Variants in MFSD6 observed in about 807,000 individuals in gnomAD.
MFSD6 encodes major facilitator superfamily domain-containing protein 6.
A neutral mutation model predicts 56.3 loss-of-function variants in MFSD6; 26 were observed. The ratio of observed to expected loss-of-function variants is 0.46; its 90% confidence interval spans 0.34 to 0.64. The LOEUF is 0.64. MFSD6 is among the 30% of genes least tolerant of loss of function. The pLI is 0.01. For synonymous variants in MFSD6, 331 were observed against 366.9 expected (o/e 0.90, Z 1.12); for missense variants, 750 against 986.2 (o/e 0.76, Z 3.21).
rs10193212 is a variant in MFSD6, at chr2:190,469,698, G to A, written c.1533-60G>A. 0.45 allele frequency: 432,143 copies of A among 970,232 alleles called. 99,246 individuals carry two copies. Among genetic ancestry groups the A allele is most frequent in the Admixed American group, 0.62 (17,548 of 28,478 alleles). 60.1% of individuals were successfully genotyped at this position (970,232 alleles called of 1,614,324 possible). A position where few individuals can be genotyped will look rare whatever the true frequency, so the allele number is the denominator to read the frequency against. ...TACACATATTAGATTGTATATTAGGGACTCAGTTTATTTTCCTTTGCTTTT... is the reference window on the plus strand; with the variant it reads ...TACACATATTAGATTGTATATTAGGAACTCAGTTTATTTTCCTTTGCTTTT... On this transcript the variant is annotated intron_variant, in intron 3 of 7. Transcript: ENST00000392328. This position sits in a 1 kb window ranked among gnomAD's most constrained non-coding sequence, Gnocchi z 5.3.
chr2:190,409,594 A>G (rs927589000), intron 1 of MFSD6, among the ~76,000 whole-genome samples: 1 of 152,096 alleles, frequency 6.6e-6, no homozygotes, highest in Non-Finnish European at 1.5e-5. Context: ...GAAGTCCATG[A>G]TTTTCTAGAA....
At chr2:190,429,429 G>A (rs1046002718) in intron 2 of MFSD6, among the ~76,000 whole-genome samples, 1 of 151,648 alleles carries the variant, frequency 6.6e-6, no homozygotes, top group Non-Finnish European at 1.5e-5. Context: ...GGGTTCAAGC[G>A]ATTCTCCTGC....
Position 190,437,083 on chromosome 2 carries a change from G to A in MFSD6, c.1054G>A (p.Glu352Lys), listed in dbSNP as rs202101969. 2.5e-5 allele frequency: 40 copies of A among 1,614,244 alleles called. No homozygotes were observed. Among genetic ancestry groups the A allele is most frequent in the African/African-American group, 4.0e-5 (3 of 75,066 alleles). The change falls in exon 3 of 8, where the codon GAA (glutamate) becomes AAA (lysine). Residue 352 changes from glutamate (E) to lysine (K), a missense_variant. Transcript: ENST00000392328. This position sits in a 1 kb window ranked among gnomAD's most constrained non-coding sequence, Gnocchi z 5.9. Reference protein sequence around the residue: ...VGIGIDYTHIEVLIDGKGCKP... With the variant: ...VGIGIDYTHIKVLIDGKGCKP... ...CATCGGGATCGACTACACCCACATC[G>A]AAGTGCTCATCGATGGAAAGGGGTG... is the stretch of plus-strand genomic sequence containing the variant.
chr2:190,437,073 C>T lies in MFSD6; in HGVS notation c.1044C>T (p.Tyr348=), dbSNP rs1328865119. The T allele has an allele frequency of 2.5e-6, 4 of 1,614,256 alleles. No individual in the cohort carries two copies. Among genetic ancestry groups the T allele is most frequent in the East Asian group, 2.2e-5 (1 of 44,888 alleles). Residue 348 remains tyrosine (Y), a synonymous_variant, in exon 3 of 8, where the codon TAC becomes TAT. Coordinates refer to ENST00000392328, the MANE Select transcript of MFSD6 (RefSeq NM_017694.4). This position sits in a 1 kb window ranked among gnomAD's most constrained non-coding sequence, Gnocchi z 5.9. ...AMLSVGIGID[Y]THIEVLIDGK... ...TGTCTGTGGGCATCGGGATCGACTA[C>T]ACCCACATCGAAGTGCTCATCGATG...
intron 3 of MFSD6, among the ~76,000 whole-genome samples, chr2:190,448,614 A>G (rs1405740978): frequency 6.6e-6 from 1 of 152,240 alleles, no homozygotes; most frequent in African/African-American, 2.4e-5. Context: ...ATAAATTTTA[A>G]AAGTTTAGCA....
Position 190,412,339 on chromosome 2 carries a change from A to G in MFSD6, c.-175-2953A>G, listed in dbSNP as rs937506141. On this transcript the variant is annotated intron_variant, in intron 1 of 7. Transcript: ENST00000392328. The surrounding 1 kb of genome is among the most constrained non-coding windows in gnomAD (Gnocchi z 4.1). ...ATTTTACAGAAGAGATATTCTCACA[A>G]TTTTAGGTATTATCCAACATTTCAT... The G allele has an allele frequency of 2.0e-6, 2 of 984,052 alleles. No homozygotes were observed. Among genetic ancestry groups the G allele is most frequent in the African/African-American group, 3.5e-5 (2 of 57,208 alleles). 61.0% of individuals were successfully genotyped at this position (984,052 alleles called of 1,614,324 possible). A position where few individuals can be genotyped will look rare whatever the true frequency, so the allele number is the denominator to read the frequency against.
Position 190,410,785 on chromosome 2 carries a change from A to C in MFSD6, c.-176+2282A>C, listed in dbSNP as rs915293160. On this transcript the variant is annotated intron_variant, in intron 1 of 7. Coordinates refer to ENST00000392328, the MANE Select transcript of MFSD6 (RefSeq NM_017694.4). This position sits in a 1 kb window ranked among gnomAD's most constrained non-coding sequence, Gnocchi z 4.4. ...ATTAAATGAAAAAAATGGCTGGGCA[A>C]GGTGGCTCATGCCTGTAATCCCAGC... is the stretch of plus-strand genomic sequence containing the variant. Among the ~76,000 whole-genome samples the C allele has an allele frequency of 1.3e-5, 2 of 152,156 alleles. No homozygotes were observed. The highest frequency in any genetic ancestry group is 4.1e-4 in the South Asian group (2 of 4,826).
chr2:190,427,547 A>C (rs1296015721), intron 2 of MFSD6, among the ~76,000 whole-genome samples: 1 of 151,938 alleles, frequency 6.6e-6, no homozygotes, highest in Non-Finnish European at 1.5e-5. Flanking sequence ...CTTCAGCTCC[A>C]CTCATACTTG....
rs1257398693 is a variant in MFSD6, at chr2:190,411,161, G to T, written c.-176+2658G>T. On this transcript the variant is annotated intron_variant, in intron 1 of 7. Transcript: ENST00000392328. ...TTTTGTCCCCAAACTGTTGACAGTA[G>T]TTTTTTTTTTTTTTTTTCAGACAGA... 4.6e-4 allele frequency: 357 copies of T among 768,242 alleles called. 1 individual carries two copies. Among genetic ancestry groups the T allele is most frequent in the Non-Finnish European group, 5.0e-4 (329 of 661,868 alleles). The allele number at this position is 768,242 out of a possible 1,614,324, so 47.6% of individuals were successfully genotyped here. A position where few individuals can be genotyped will look rare whatever the true frequency, so the allele number is the denominator to read the frequency against.
rs188134842 is a variant in MFSD6 at position 190,459,079 on chromosome 2, T to C, written c.1533-10679T>C. Among the ~76,000 whole-genome samples the C allele has an allele frequency of 2.6e-5, 4 of 152,308 alleles. No homozygotes were observed. The East Asian group carries it at 7.7e-4, about 29-fold the overall frequency. Reference sequence around the variant, plus strand: ...CATCCTTGAGTCTCACCTGCAGCTTTGCTTCTCCAACTCCCTAGGGGTTTC... The same window carrying C: ...CATCCTTGAGTCTCACCTGCAGCTTCGCTTCTCCAACTCCCTAGGGGTTTC... On this transcript the variant is annotated intron_variant, in intron 3 of 7. Transcript: ENST00000392328. This position sits in a 1 kb window ranked among gnomAD's most constrained non-coding sequence, Gnocchi z 5.3.
At position 190,436,768 on chromosome 2, in the gene MFSD6, G is replaced by A. The variant is rs147259731; in HGVS notation, c.739G>A (p.Ala247Thr). 192 of 1,614,158 alleles carry A rather than the reference G, an allele frequency of 1.2e-4. 1 individual carries two copies. The East Asian group carries it at 4.2e-3, about 35-fold the overall frequency. Reference sequence around the variant, plus strand: ...GGACTTGACTTTGAACTCAAGCACAGCAACCCCTGTCTCCCCAGGAAGCGT... The same window carrying A: ...GGACTTGACTTTGAACTCAAGCACAACAACCCCTGTCTCCCCAGGAAGCGT... ...MMDLTLNSST[A>T]TPVSPGSVTK... is the part of the protein sequence containing the mutation. The change falls in exon 3 of 8, where the codon GCA (alanine) becomes ACA (threonine). Residue 247 changes from alanine to threonine, a missense_variant. Ala to Thr is a moderately conservative substitution (Grantham distance 58, BLOSUM62 0). Transcript: ENST00000392328. The surrounding 1 kb of genome is among the most constrained non-coding windows in gnomAD (Gnocchi z 5.3).
rs1418804962 is a variant in MFSD6, at chr2:190,426,605, A to C, written c.-53-9372A>C. On this transcript the variant is annotated intron_variant, in intron 2 of 7. Coordinates refer to ENST00000392328, the MANE Select transcript of MFSD6 (RefSeq NM_017694.4). The surrounding 1 kb of genome is among the most constrained non-coding windows in gnomAD (Gnocchi z 4.7). ...ATATTGAACATTGTACACAACAGGT[A>C]ACTTTTCAGCCCTCATCCCCCTCCC... Among the ~76,000 whole-genome samples the C allele has an allele frequency of 1.3e-5, 2 of 152,168 alleles. No individual in the cohort carries two copies. The highest frequency in any genetic ancestry group is 1.9e-4 in the East Asian group (1 of 5,200).
At chr2:190,448,345 G>A (rs918973037) in intron 3 of MFSD6, among the ~76,000 whole-genome samples, 2 of 152,200 alleles carry the variant, frequency 1.3e-5, no homozygotes, top group Non-Finnish European at 2.9e-5. Flanking sequence ...CATGCAGAAA[G>A]ATGTGTACAA....
In MFSD6 at chr2:190,488,423, TGTG is replaced by T. The variant is rs943152599; in HGVS notation, c.1631-227_1631-225del. Among the ~76,000 whole-genome samples, 9 of 152,180 alleles carry T rather than the reference TGTG, an allele frequency of 5.9e-5. No homozygotes were observed. Among genetic ancestry groups the T allele is most frequent in the African/African-American group, 1.4e-4 (6 of 41,442 alleles). The stretch of plus-strand genomic sequence containing the variant: ...GGTTTAAGGGGTACAGAATTTTTGT[TGTG>T]GTGGTGAAAAAGTTCTGGAGATGGA... On this transcript the variant is annotated intron_variant, in intron 4 of 7. Coordinates refer to ENST00000392328, the MANE Select transcript of MFSD6 (RefSeq NM_017694.4). The surrounding 1 kb of genome is among the most constrained non-coding windows in gnomAD (Gnocchi z 6.4).
chr2:190,446,734 T>C (rs2125075781), intron 3 of MFSD6, among the ~76,000 whole-genome samples: 1 of 152,320 alleles, frequency 6.6e-6, no homozygotes, highest in South Asian at 2.1e-4. Flanking sequence ...CTGGGTCTGC[T>C]CAACCCAAAA....
chr2:190,498,448 A>T lies in MFSD6; in HGVS notation c.2172+729A>T, dbSNP rs1689833939. On this transcript the variant is annotated intron_variant, in intron 7 of 7. Transcript: ENST00000392328. This position sits in a 1 kb window ranked among gnomAD's most constrained non-coding sequence, Gnocchi z 5.9. Reference sequence around the variant, plus strand: ...ACATAAAAATAAAGGGGAAAGATTTAAAAATAAGGGTCATTTGAGTAATTC... The same window carrying T: ...ACATAAAAATAAAGGGGAAAGATTTTAAAATAAGGGTCATTTGAGTAATTC... Among the ~76,000 whole-genome samples the T allele has an allele frequency of 6.6e-6, 1 of 152,216 alleles. No homozygotes were observed. Among genetic ancestry groups the T allele is most frequent in the African/African-American group, 2.4e-5 (1 of 41,450 alleles).
intron 3 of MFSD6, among the ~76,000 whole-genome samples, chr2:190,440,885 C>T (rs1686348749): frequency 6.6e-6 from 1 of 152,190 alleles, no homozygotes; most frequent in Admixed American, 6.5e-5. Flanking sequence ...AGAGGAGGAA[C>T]ACCAGGGTTT....
chr2:190,412,119 A>G lies in MFSD6; in HGVS notation c.-175-3173A>G, dbSNP rs963233369. 2.0e-6 allele frequency: 2 copies of G among 984,302 alleles called. No individual in the cohort carries two copies. The highest frequency in any genetic ancestry group is 2.4e-6 in the Non-Finnish European group (2 of 829,038). 61.0% of individuals were successfully genotyped at this position (984,302 alleles called of 1,614,324 possible). On this transcript the variant is annotated intron_variant, in intron 1 of 7. Coordinates refer to ENST00000392328, the MANE Select transcript of MFSD6 (RefSeq NM_017694.4). This position sits in a 1 kb window ranked among gnomAD's most constrained non-coding sequence, Gnocchi z 4.1. ...ATATGTACTTGTTAAATACAGTCCC[A>G]TAGTTCTATCCAATTCTATGTAAAA...
chr2:190,468,179 T>C (rs931862504), intron 3 of MFSD6, among the ~76,000 whole-genome samples: 3 of 152,174 alleles, frequency 2.0e-5, no homozygotes, highest in African/African-American at 4.8e-5. Flanking sequence ...TTAAGGCAGA[T>C]TGAAACGTAC....
Sources: gnomAD v4.1 joint callset for allele counts (sites outside exome capture counted in the v4.1 genomes callset) on GRCh38, gnomAD v4.1.1 for gene constraint, Gnocchi (gnomAD v3.1) non-coding constraint, MANE v1.5 for transcripts, NCBI Gene and HGNC (gene_info 2026-07-23, HGNC 2026-07-21) for gene names.